ABI2: variants seen among roughly 807,000 people sequenced by gnomAD.
ABI2 encodes abl interactor 2.
In ABI2, 25 loss-of-function variants were observed where a neutral mutation model predicts 59.2. That is an observed-to-expected ratio of 0.42 (90% CI 0.31 to 0.59). The LOEUF is 0.59. ABI2 is among the 20% of genes least tolerant of loss of function. The probability of loss-of-function intolerance (pLI) is 0.14; values close to 1 mark genes in which losing one functional copy is unlikely to be tolerated. For missense variants in ABI2, 545 were observed against 681.8 expected (o/e 0.80, Z 2.23); for synonymous variants, 213 against 235.5 (o/e 0.90, Z 0.87).
In ABI2 at chr2:203,427,205, C is replaced by T; in HGVS notation, c.1482C>T (p.Asp494=). ...KVVAIYDYTK[D]KEDELSFQEG... is the part of the protein sequence containing the mutation. ...TGGCAATTTATGACTATACAAAAGA[C>T]AAGGAAGATGAGCTGTCCTTTCAGG... Residue 494 remains aspartate, a synonymous_variant, in exon 12 of 12, where the codon GAC becomes GAT. Coordinates refer to ENST00000261018, the MANE Select transcript of ABI2 (RefSeq NM_001375670.1). 6.2e-7 allele frequency: 1 copy of T among 1,613,872 alleles called. No individual in the cohort carries two copies. The highest frequency in any genetic ancestry group is 8.5e-7 in the Non-Finnish European group (1 of 1,179,940).
chr2:203,331,273 G>C (rs555930166), intron 1 of ABI2, among the ~76,000 whole-genome samples: 239 of 150,984 alleles, frequency 1.6e-3, no homozygotes, highest in Non-Finnish European at 5.5e-4. Flanking sequence ...GACCAGCAGG[G>C]GTTTTGATGC....
Position 203,428,111 on chromosome 2 carries a change from AGTGTGGTAGGCTG to A in ABI2, c.*762_*774del, listed in dbSNP as rs1559409429. 1 of 152,224 alleles carries A rather than the reference AGTGTGGTAGGCTG, an allele frequency of 6.6e-6. No homozygotes were observed. The highest frequency in any genetic ancestry group is 2.1e-4 in the South Asian group (1 of 4,834). The allele number at this position is 152,224 out of a possible 1,614,324, so 9.4% of individuals were successfully genotyped here. A position where few individuals can be genotyped will look rare whatever the true frequency, so the allele number is the denominator to read the frequency against. On this transcript the variant is annotated 3_prime_UTR_variant, in exon 12 of 12. Transcript: ENST00000261018. The stretch of plus-strand genomic sequence containing the variant: ...TAATGGCCAGTGTACCCAGATGTGA[AGTGTGGTAGGCTG>A]GTTCATATGTGGAGGTGGGTGTGTG...
chr2:203,393,639 G>T (rs2153381720), intron 5 of ABI2, among the ~76,000 whole-genome samples: 1 of 152,300 alleles, frequency 6.6e-6, no homozygotes, highest in African/African-American at 2.4e-5. Context: ...TGCAAAATCA[G>T]TGATCCATAA....
chr2:203,406,542 A>G (rs2097433392), intron 9 of ABI2, among the ~76,000 whole-genome samples: 1 of 152,236 alleles, frequency 6.6e-6, no homozygotes, highest in African/African-American at 2.4e-5. Flanking sequence ...TCCAAAATAA[A>G]AAGCCATTTC....
Position 203,394,842 on chromosome 2 carries a change from T to TA in ABI2, c.722dup (p.Tyr241Ter). 1.2e-6 allele frequency: 2 copies of TA among 1,614,066 alleles called. No individual in the cohort carries two copies. Among genetic ancestry groups the TA allele is most frequent in the Non-Finnish European group, 1.7e-6 (2 of 1,179,964 alleles). Residue 241 changes from tyrosine to a stop codon, truncating the protein, a stop_gained and frameshift_variant, in exon 6 of 12, where the codon TAC becomes TAAC. Transcript: ENST00000261018. LOFTEE classifies it high-confidence loss of function. ...TASVNQRNRT[Y>*]SSSGSSGGSH... Reference sequence around the variant, plus strand: ...TTCTGTGAATCAAAGAAATCGAACTTACAGGTATTTTCTCTACCTCAGTGC... The same window carrying TA: ...TTCTGTGAATCAAAGAAATCGAACTTAACAGGTATTTTCTCTACCTCAGTGC...
Position 203,416,538 on chromosome 2 carries a change from C to T in ABI2, c.1280-370C>T, listed in dbSNP as rs376348180. 3.9e-3 allele frequency among the ~76,000 whole-genome samples: 591 copies of T among 152,216 alleles called. 4 individuals carry two copies. Among genetic ancestry groups the T allele is most frequent in the African/African-American group, 0.013 (559 of 41,546 alleles). ...CTTGAACTTCTGACCTCAGGTGATC[C>T]GCCTGCTTCGGCCTCCCAAAGTGCT... is the stretch of plus-strand genomic sequence containing the variant. On this transcript the variant is annotated intron_variant, in intron 10 of 11. Coordinates refer to ENST00000261018, the MANE Select transcript of ABI2 (RefSeq NM_001375670.1).
Position 203,427,430 on chromosome 2 carries a change from C to T in ABI2, c.*78C>T, listed in dbSNP as rs977197143. ...ATCTGAAGGCCCTGGGGATTCCACTCCAGTAAAGTAGAATGAAGGATACAA... is the reference window on the plus strand; with the variant it reads ...ATCTGAAGGCCCTGGGGATTCCACTTCAGTAAAGTAGAATGAAGGATACAA... On this transcript the variant is annotated 3_prime_UTR_variant, in exon 12 of 12. Transcript: ENST00000261018. The T allele has an allele frequency of 4.7e-6, 6 of 1,268,578 alleles. No homozygotes were observed. In the African/African-American group the frequency reaches 9.0e-5, roughly 19 times the overall value. The allele number at this position is 1,268,578 out of a possible 1,614,324, so 78.6% of individuals were successfully genotyped here.
chr2:203,399,139 G>A (rs1579327458), intron 8 of ABI2, among the ~76,000 whole-genome samples: 1 of 152,086 alleles, frequency 6.6e-6, no homozygotes, highest in South Asian at 2.1e-4. Flanking sequence ...TTCCAAAATG[G>A]CTGTATAATT....
At chr2:203,369,300 G>A (rs1156829808) in intron 2 of ABI2, among the ~76,000 whole-genome samples, 1 of 152,084 alleles carries the variant, frequency 6.6e-6, no homozygotes, top group Admixed American at 6.5e-5. Context: ...AGAGAAACTA[G>A]TATATTTGAG....
intron 2 of ABI2, among the ~76,000 whole-genome samples, chr2:203,374,417 T>G (rs1489612836): frequency 6.6e-6 from 1 of 151,368 alleles, no homozygotes; most frequent in Non-Finnish European, 1.5e-5. Context: ...GGAGAATTGC[T>G]TGAACCTGGG....
At position 203,405,649 on chromosome 2, in the gene ABI2, C is replaced by T. The variant is rs1222487944; in HGVS notation, c.1192+2915C>T. ...ACAATGAGAATATTTGTTGTGCTTT[C>T]TCAAGTAACTAATTCTCTGATTTAA... On this transcript the variant is annotated intron_variant, in intron 9 of 11. Coordinates refer to ENST00000261018, the MANE Select transcript of ABI2 (RefSeq NM_001375670.1). 3.3e-5 allele frequency among the ~76,000 whole-genome samples: 5 copies of T among 152,020 alleles called. No individual in the cohort carries two copies. In the South Asian group the frequency reaches 8.3e-4, roughly 25 times the overall value.
At chr2:203,413,788 CT>C (rs767909336) in intron 10 of ABI2, among the ~76,000 whole-genome samples, 6 of 152,154 alleles carry the variant, frequency 3.9e-5, no homozygotes, top group Non-Finnish European at 5.9e-5. Context: ...ATCTTCAAAG[CT>C]TTCCAGGTAT....
chr2:203,423,628 T>C (rs1013471172), intron 11 of ABI2, among the ~76,000 whole-genome samples: 1 of 152,182 alleles, frequency 6.6e-6, no homozygotes, highest in South Asian at 2.1e-4. Context: ...TTTCACCATA[T>C]TGGCCAGGCT....
At chr2:203,395,448 T>TATATATATATATATATACAC (rs750379504) in intron 6 of ABI2, among the ~76,000 whole-genome samples, 3 of 115,328 alleles carry the variant, frequency 2.6e-5, no homozygotes, top group African/African-American at 9.1e-5. Context: ...TATATATATA[T>TATATATATATATATATACAC]ACACACACAC....
chr2:203,357,408 G>A (rs1271551487), intron 1 of ABI2, among the ~76,000 whole-genome samples: 1 of 152,176 alleles, frequency 6.6e-6, no homozygotes, highest in Non-Finnish European at 1.5e-5. Flanking sequence ...TAATGTGATA[G>A]GTTTTACTCA....
intron 9 of ABI2, among the ~76,000 whole-genome samples, chr2:203,408,899 C>T (rs975223970): frequency 2.5e-5 from 3 of 121,696 alleles, no homozygotes; most frequent in African/African-American, 5.8e-5. Flanking sequence ...ACTGCAGTGG[C>T]GCAATCTCGG....
At chr2:203,404,124 T>C (rs1352786597) in intron 9 of ABI2, among the ~76,000 whole-genome samples, 2 of 152,116 alleles carry the variant, frequency 1.3e-5, no homozygotes, top group Middle Eastern at 6.3e-3. Context: ...CCAAGTCTTC[T>C]CTTTTTTGGA....
At position 203,371,204 on chromosome 2, in the gene ABI2, T is replaced by C. The variant is rs553794052; in HGVS notation, c.285+4160T>C. Among the ~76,000 whole-genome samples, 3 of 152,352 alleles carry C rather than the reference T, an allele frequency of 2.0e-5. No homozygotes were observed. The South Asian group carries it at 6.2e-4, about 32-fold the overall frequency. On this transcript the variant is annotated intron_variant, in intron 2 of 11. Transcript: ENST00000261018. ...ATTCTGTTCTGTTGGTTCTGCTCTT[T>C]ACCTCAATCTGTGTCCACTGGTCTC...
At chr2:203,402,154 C>T (rs555243538) in intron 8 of ABI2, among the ~76,000 whole-genome samples, 2 of 152,154 alleles carry the variant, frequency 1.3e-5, no homozygotes, top group Non-Finnish European at 2.9e-5. Flanking sequence ...TACGCCTCAG[C>T]CTCCCGAGTA....
Sources: gnomAD v4.1 joint callset for allele counts (sites outside exome capture counted in the v4.1 genomes callset) on GRCh38, gnomAD v4.1.1 for gene constraint, MANE v1.5 for transcripts, NCBI Gene and HGNC (gene_info 2026-07-23, HGNC 2026-07-21) for gene names.